The following AP3B1 variants were observed in gnomAD, a reference collection of about 807,000 sequenced individuals.
AP3B1 encodes adaptor related protein complex 3 subunit beta 1, also known as AP-3 complex subunit beta-1.
Under a neutral mutation model 132.5 loss-of-function variants are expected in AP3B1, and 61 were observed. The observed-to-expected ratio is 0.46, with a 90% CI of 0.37 to 0.57. The LOEUF (loss-of-function observed/expected upper bound fraction) is 0.57, where lower values mean the gene tolerates loss of function less well. Ranked by LOEUF, AP3B1 falls within the 20% of genes least tolerant of loss-of-function variation. The probability of loss-of-function intolerance (pLI) is 0.00; values close to 1 mark genes in which losing one functional copy is unlikely to be tolerated. For missense variants in AP3B1, 1,120 were observed against 1,289.4 expected (o/e 0.87, Z 2.01); for synonymous variants, 388 against 438.3 (o/e 0.89, Z 1.43).
chr5:78,097,958 C>G (rs368960312), intron 21 of AP3B1, among the ~76,000 whole-genome samples: 65 of 152,266 alleles, frequency 4.3e-4, no homozygotes, highest in Middle Eastern at 3.4e-3. Flanking sequence ...GCCTTGGGAT[C>G]CTGTTGATCC....
intron 15 of AP3B1, among the ~76,000 whole-genome samples, chr5:78,140,639 C>T (rs945353127): frequency 2.0e-5 from 3 of 152,202 alleles, no homozygotes; most frequent in Admixed American, 1.3e-4. Flanking sequence ...GTCCTACCTC[C>T]TAATACCATC....
intron 13 of AP3B1, among the ~76,000 whole-genome samples, chr5:78,160,988 T>C (rs1743364869): frequency 6.6e-6 from 1 of 151,456 alleles, no homozygotes; most frequent in African/African-American, 2.4e-5. Flanking sequence ...TTTGTTAATA[T>C]TCACACTGCA....
chr5:78,068,579 T>C (rs1425479383), intron 22 of AP3B1, among the ~76,000 whole-genome samples: 2 of 151,972 alleles, frequency 1.3e-5, no homozygotes, highest in Non-Finnish European at 2.9e-5. Flanking sequence ...CCTGAACAGA[T>C]CAACAAGTTC....
chr5:78,249,939 C>G (rs1233111418), intron 2 of AP3B1, among the ~76,000 whole-genome samples: 1 of 152,114 alleles, frequency 6.6e-6, no homozygotes, highest in Admixed American at 6.6e-5. Context: ...CTGTTATCAC[C>G]ATTCTGCTAT....
At chr5:78,131,055 TAA>T (rs1282704956) in intron 15 of AP3B1, among the ~76,000 whole-genome samples, 2 of 151,846 alleles carry the variant, frequency 1.3e-5, no homozygotes, top group Non-Finnish European at 2.9e-5. Flanking sequence ...AGCTTATAAA[TAA>T]GTTTTATTAA....
chr5:78,181,490 T>C lies in AP3B1; in HGVS notation c.942+17A>G, dbSNP rs377061172. On this transcript the variant is annotated intron_variant, in intron 8 of 26. Coordinates refer to ENST00000255194, the MANE Select transcript of AP3B1 (RefSeq NM_003664.5). ...TTAAAAACCAGTGAATTATTTCTTA[T>C]AAGGATTTTAACATACCGCAGCATT... 1.4e-4 allele frequency: 224 copies of C among 1,609,234 alleles called. No individual in the cohort carries two copies. The highest frequency in any genetic ancestry group is 1.8e-4 in the Non-Finnish European group (212 of 1,177,698).
intron 11 of AP3B1, among the ~76,000 whole-genome samples, chr5:78,169,899 C>T (rs1561454478): frequency 6.6e-6 from 1 of 152,090 alleles, no homozygotes; most frequent in Non-Finnish European, 1.5e-5. Context: ...CATGTTATCC[C>T]TCCCACAGCC....
At chr5:78,000,663 G>A (rs1447163820), downstream of AP3B1, 1 of 152,162 alleles carries the variant, frequency 6.6e-6, no homozygotes, top group Non-Finnish European at 1.5e-5. Context: ...TATACTATGA[G>A]AGCCATTCTT....
intron 22 of AP3B1, among the ~76,000 whole-genome samples, chr5:78,087,081 C>T (rs1407787338): frequency 6.6e-6 from 1 of 152,020 alleles, no homozygotes; most frequent in African/African-American, 2.4e-5. Context: ...TAGTCATGGT[C>T]AAACAGTTAC....
In AP3B1 at chr5:78,114,033, T is replaced by A. The variant is rs1307434650; in HGVS notation, c.2078-110A>T. 5 of 1,198,600 alleles carry A rather than the reference T, an allele frequency of 4.2e-6. No homozygotes were observed. In the Admixed American group the frequency reaches 8.2e-5, roughly 20 times the overall value. The allele number at this position is 1,198,600 out of a possible 1,614,324, so 74.2% of individuals were successfully genotyped here. The stretch of plus-strand genomic sequence containing the variant: ...ATGAAACCAGATGTTGAATTTTAGT[T>A]CAGTGGACACCACTTGTTTAACATT... On this transcript the variant is annotated intron_variant, in intron 18 of 26. Coordinates refer to ENST00000255194, the MANE Select transcript of AP3B1 (RefSeq NM_003664.5).
At chr5:78,183,917 C>A (rs1334400873) in intron 7 of AP3B1, among the ~76,000 whole-genome samples, 1 of 148,800 alleles carries the variant, frequency 6.7e-6, no homozygotes, top group South Asian at 2.1e-4. Context: ...CGCCTGTAAT[C>A]CCAGCATTTT....
chr5:78,273,623 G>A (rs1329707109), intron 1 of AP3B1, among the ~76,000 whole-genome samples: 1 of 152,088 alleles, frequency 6.6e-6, no homozygotes, highest in Admixed American at 6.6e-5. Context: ...TGTGCAAAAT[G>A]TTGGCTGCAA....
chr5:78,234,186 T>G (rs1484332942), intron 3 of AP3B1, among the ~76,000 whole-genome samples: 1 of 152,124 alleles, frequency 6.6e-6, no homozygotes, highest in Non-Finnish European at 1.5e-5. Context: ...TATTCACGAT[T>G]AGACTCTTTA....
intron 17 of AP3B1, among the ~76,000 whole-genome samples, chr5:78,123,266 C>T (rs1752309256): frequency 6.6e-6 from 1 of 152,186 alleles, no homozygotes. Flanking sequence ...CTAGGCAATA[C>T]CATTCAGGAC....
chr5:78,164,118 TA>T (rs1368445591), intron 12 of AP3B1, among the ~76,000 whole-genome samples: 3 of 152,086 alleles, frequency 2.0e-5, no homozygotes, highest in Non-Finnish European at 4.4e-5. Flanking sequence ...CAATTATATT[TA>T]AAAGTGTTCC....
chr5:78,200,904 A>C (rs1745263737), intron 7 of AP3B1, among the ~76,000 whole-genome samples: 2 of 152,096 alleles, frequency 1.3e-5, no homozygotes, highest in Admixed American at 6.6e-5. Context: ...AAATATGACT[A>C]TATTTGGAGA....
intron 22 of AP3B1, among the ~76,000 whole-genome samples, chr5:78,055,787 A>G (rs546590408): frequency 3.9e-5 from 6 of 152,356 alleles, no homozygotes; most frequent in African/African-American, 1.4e-4. Context: ...AATTATAATC[A>G]GTATCCTTAA....
At chr5:78,228,084 G>T in intron 4 of AP3B1, 60 bp downstream of exon 4, 1 of 1,183,822 alleles carries the variant, frequency 8.4e-7, no homozygotes, top group South Asian at 1.4e-5. Context: ...TTCTTTAACT[G>T]ACACACTTTC....
chr5:78,278,625 A>AAAGGG (rs1561217252), intron 1 of AP3B1, among the ~76,000 whole-genome samples: 1 of 52,250 alleles, frequency 1.9e-5, no homozygotes, highest in African/African-American at 6.1e-5. Context: ...AAAAAAAAAA[A>AAAGGG]GGGGGGGGGG....
Sources: allele counts gnomAD v4.1 joint callset (sites outside exome capture counted in the v4.1 genomes callset), GRCh38; gene constraint gnomAD v4.1.1; transcripts MANE v1.5; gene names NCBI Gene and HGNC (gene_info 2026-07-23, HGNC 2026-07-21).